The following ERCC8 variants were observed in gnomAD, a reference collection of about 807,000 sequenced individuals.
ERCC8 encodes ERCC excision repair 8, CSA ubiquitin ligase complex subunit.
ERCC8 carries 52 observed loss-of-function variants against 54.9 expected under a neutral mutation model. That is an observed-to-expected ratio of 0.95 (90% CI 0.76 to 1.19). The LOEUF (loss-of-function observed/expected upper bound fraction) is 1.19. Ranked by LOEUF, ERCC8 falls within the 50% of genes most tolerant of loss-of-function variation. The pLI is 0.00. For synonymous variants in ERCC8, 146 were observed against 157.2 expected (o/e 0.93, Z 0.53); for missense variants, 514 against 466.1 (o/e 1.10, Z -0.95).
At chr5:60,930,586 T>C (rs989269434) in intron 1 of ERCC8, among the ~76,000 whole-genome samples, 2 of 114,568 alleles carry the variant, frequency 1.7e-5, no homozygotes, top group Non-Finnish European at 3.7e-5. Flanking sequence ...AACTAAAAAA[T>C]GAGCCAGGCC....
chr5:60,941,144 C>T (rs1036067769), intron 1 of ERCC8, among the ~76,000 whole-genome samples: 1 of 151,914 alleles, frequency 6.6e-6, no homozygotes, highest in African/African-American at 2.4e-5. Context: ...AGTGAGGCCT[C>T]ATCTCTAAAA....
intron 9 of ERCC8, among the ~76,000 whole-genome samples, chr5:60,896,563 C>A (rs1748731872): frequency 6.6e-6 from 1 of 152,134 alleles, no homozygotes; most frequent in Non-Finnish European, 1.5e-5. Context: ...CTGGTTCTAT[C>A]TGATAGCCCT....
chr5:60,934,469 T>A (rs558984501), intron 1 of ERCC8, among the ~76,000 whole-genome samples: 1 of 152,346 alleles, frequency 6.6e-6, no homozygotes, highest in African/African-American at 2.4e-5. Flanking sequence ...ATATTCTGGA[T>A]ATTAGTCCTC....
At chr5:60,892,980 C>G in intron 9 of ERCC8, 3 of 770,058 alleles carry the variant, frequency 3.9e-6, no homozygotes, top group Non-Finnish European at 7.3e-6. Context: ...AGCTCCAAAG[C>G]TGACCTGATG....
At position 60,868,774 on chromosome 5, in the gene ERCC8, T is replaced by C. The variant is rs550370309; in HGVS notation, c.*5841A>G. On this transcript the variant is annotated 3_prime_UTR_variant, in exon 12 of 12. Transcript: ENST00000676185. ...CTTTGCAAAGAAGAAAAAATGTTTATGATTAAACTTCGTTAGTTTTCTTCC... is the reference window on the plus strand; with the variant it reads ...CTTTGCAAAGAAGAAAAAATGTTTACGATTAAACTTCGTTAGTTTTCTTCC... Among the ~76,000 whole-genome samples the C allele has an allele frequency of 2.6e-5, 4 of 152,328 alleles. No individual in the cohort carries two copies. Among genetic ancestry groups the C allele is most frequent in the African/African-American group, 7.2e-5 (3 of 41,580 alleles).
chr5:60,873,257 G>A lies in ERCC8; in HGVS notation c.*1358C>T, dbSNP rs887289219. On this transcript the variant is annotated 3_prime_UTR_variant, in exon 12 of 12. Transcript: ENST00000676185. ...TATATATGCTTCAAAACAGTATGTT[G>A]TACATGGTAAATACATACAATTTTA... 1.3e-5 allele frequency among the ~76,000 whole-genome samples: 2 copies of A among 152,078 alleles called. No individual in the cohort carries two copies. Among genetic ancestry groups the A allele is most frequent in the Admixed American group, 6.5e-5 (1 of 15,268 alleles).
At chr5:60,921,004 T>G (rs1749584532) in intron 3 of ERCC8, among the ~76,000 whole-genome samples, 1 of 151,932 alleles carries the variant, frequency 6.6e-6, no homozygotes, top group African/African-American at 2.4e-5. Flanking sequence ...TTTGAGGCGA[T>G]ATCTTGTTTT....
chr5:60,867,087 C>A lies in ERCC8; in HGVS notation c.*7528G>T, dbSNP rs537169902. ...TCCTGACCTCGTGATCCATCCACCT[C>A]AGCCTCCCAAAGTGCTGGGATTATA... On this transcript the variant is annotated 3_prime_UTR_variant, in exon 12 of 12. Coordinates refer to ENST00000676185, the MANE Select transcript of ERCC8 (RefSeq NM_000082.4). Among the ~76,000 whole-genome samples, 4 of 152,226 alleles carry A rather than the reference C, an allele frequency of 2.6e-5. No individual in the cohort carries two copies. The highest frequency in any genetic ancestry group is 2.1e-4 in the South Asian group (1 of 4,820).
rs570291077 is a variant in ERCC8 at position 60,903,837 on chromosome 5, T to C, written c.482-121A>G. The C allele has an allele frequency of 3.0e-4, 282 of 926,928 alleles. 3 individuals are homozygous for C. In the South Asian group the frequency reaches 4.3e-3, roughly 14 times the overall value. The allele number at this position is 926,928 out of a possible 1,614,324, so 57.4% of individuals were successfully genotyped here. A position where few individuals can be genotyped will look rare whatever the true frequency, so the allele number is the denominator to read the frequency against. On this transcript the variant is annotated intron_variant, in intron 5 of 11. Transcript: ENST00000676185. The stretch of plus-strand genomic sequence containing the variant: ...ATCCATGCAGAAATATGAAGATATA[T>C]GCCAAAATTACATTGTCATTTTTAA...
chr5:60,883,649 T>G (rs1334453990), intron 11 of ERCC8, among the ~76,000 whole-genome samples: 1 of 152,220 alleles, frequency 6.6e-6, no homozygotes, highest in Non-Finnish European at 1.5e-5. Flanking sequence ...TGTCAGCAAG[T>G]GATTATACAT....
At chr5:60,924,558 C>G (rs913414612) in intron 2 of ERCC8, 2 of 154,474 alleles carry the variant, frequency 1.3e-5, no homozygotes, top group Admixed American at 6.6e-5. Flanking sequence ...ATAAATCCCC[C>G]CCTCTTATAT....
intron 9 of ERCC8, chr5:60,892,511 G>A: frequency 1.7e-6 from 1 of 599,666 alleles, no homozygotes; most frequent in Admixed American, 2.0e-5. Context: ...AGTCAGCTAG[G>A]ACAGTTTTGG....
At chr5:60,921,767 G>A (rs1452278632) in intron 3 of ERCC8, among the ~76,000 whole-genome samples, 1 of 151,860 alleles carries the variant, frequency 6.6e-6, no homozygotes, top group Non-Finnish European at 1.5e-5. Context: ...TTACTGAGAT[G>A]TGCTATGTAG....
At chr5:60,944,512 T>C (rs1006923044) in intron 1 of ERCC8, among the ~76,000 whole-genome samples, 3 of 152,242 alleles carry the variant, frequency 2.0e-5, no homozygotes, top group Non-Finnish European at 4.4e-5. Flanking sequence ...CTTTGTTCAA[T>C]TCCTGGCCTG....
rs909435896 is a variant in ERCC8 at position 60,937,573 on chromosome 5, T to C, written c.77+7359A>G. Among the ~76,000 whole-genome samples the C allele has an allele frequency of 3.9e-5, 6 of 152,264 alleles. No homozygotes were observed. The South Asian group carries it at 1.0e-3, about 26-fold the overall frequency. On this transcript the variant is annotated intron_variant, in intron 1 of 11. Transcript: ENST00000676185. Reference sequence around the variant, plus strand: ...GTGTCACACAGGTCACCAAGGAAGTTGGGGAAGGCCGGCAGCCAAAGGCTT... The same window carrying C: ...GTGTCACACAGGTCACCAAGGAAGTCGGGGAAGGCCGGCAGCCAAAGGCTT...
At position 60,904,674 on chromosome 5, in the gene ERCC8, ATATAT is replaced by A. The variant is rs1749015118; in HGVS notation, c.481+113_481+117del. 1.7e-5 allele frequency: 3 copies of A among 178,582 alleles called. No homozygotes were observed. In the Admixed American group the frequency reaches 2.2e-4, roughly 13 times the overall value. The allele number at this position is 178,582 out of a possible 1,614,324, so 11.1% of individuals were successfully genotyped here. On this transcript the variant is annotated intron_variant, in intron 5 of 11. Transcript: ENST00000676185. ...TATATATATATATATATATATATAT[ATATAT>A]ATATAAAATTGTGATATTCCTCTGG...
At position 60,905,953 on chromosome 5, in the gene ERCC8, C is replaced by G. The variant is rs189406100; in HGVS notation, c.400-1080G>C. Among the ~76,000 whole-genome samples the G allele has an allele frequency of 7.2e-5, 11 of 152,036 alleles. No individual in the cohort carries two copies. In the East Asian group the frequency reaches 2.1e-3, roughly 29 times the overall value. On this transcript the variant is annotated intron_variant, in intron 4 of 11. Coordinates refer to ENST00000676185, the MANE Select transcript of ERCC8 (RefSeq NM_000082.4). ...TCATAAGGGTGTGGGGAATGGTCCT[C>G]TTGTGCACTAAGCCACTTCTGGGTG...
rs76058802 is a variant in ERCC8 at position 60,932,902 on chromosome 5, C to G, written c.78-3943G>C. 1.1e-3 allele frequency among the ~76,000 whole-genome samples: 160 copies of G among 152,080 alleles called. 1 individual carries two copies. Among genetic ancestry groups the G allele is most frequent in the African/African-American group, 3.6e-3 (149 of 41,498 alleles). On this transcript the variant is annotated intron_variant, in intron 1 of 11. Coordinates refer to ENST00000676185, the MANE Select transcript of ERCC8 (RefSeq NM_000082.4). The stretch of plus-strand genomic sequence containing the variant: ...AAAGAGAAGAGGGAAGGCAGAAGAG[C>G]CTGGGGTAGAAGGGTAAGGACAAAA...
intron 11 of ERCC8, among the ~76,000 whole-genome samples, chr5:60,878,788 T>C (rs1294189491): frequency 6.6e-6 from 1 of 152,242 alleles, no homozygotes; most frequent in African/African-American, 2.4e-5. Context: ...GCTAGTGGTC[T>C]ATCAATTTTG....
Sources: allele counts gnomAD v4.1 joint callset (sites outside exome capture counted in the v4.1 genomes callset), GRCh38; gene constraint gnomAD v4.1.1; transcripts MANE v1.5; gene names NCBI Gene and HGNC (gene_info 2026-07-23, HGNC 2026-07-21).